HAVCR1: variants seen among roughly 807,000 people sequenced by gnomAD.
HAVCR1 encodes the protein hepatitis A virus cellular receptor 1, also known as T cell immunoglobin domain and mucin domain protein 1.
A neutral mutation model predicts 32.0 loss-of-function variants in HAVCR1; 34 were observed. The ratio of observed to expected loss-of-function variants is 1.06; its 90% CI spans 0.81 to 1.42. HAVCR1 has a LOEUF of 1.42. Among genes scored for constraint, HAVCR1 ranks in the 40% most tolerant of loss-of-function variants. The pLI is 0.00. For synonymous variants in HAVCR1, 178 were observed against 170.3 expected, an observed-to-expected ratio of 1.05 and a Z score of -0.35; for missense variants, 420 against 442.3, an observed-to-expected ratio of 0.95 and a Z score of 0.45.
chr5:157,051,202 A>G (rs1284863821), intron 4 of HAVCR1, among the ~76,000 whole-genome samples: 1 of 152,218 alleles, frequency 6.6e-6, no homozygotes, highest in Non-Finnish European at 1.5e-5. Context: ...GAACTGAAAA[A>G]AATAAACTGT....
chr5:157,058,339 A>G (rs185319476), intron 1 of HAVCR1: 178 of 162,952 alleles, frequency 1.1e-3, no homozygotes, highest in East Asian at 2.6e-3. Flanking sequence ...CAAGGCGGGC[A>G]GATCACGAAG....
intron 8 of HAVCR1, 42 bp downstream of exon 8, chr5:157,032,812 T>G (rs960448564): frequency 8.4e-7 from 1 of 1,195,670 alleles, no homozygotes; most frequent in Non-Finnish European, 1.2e-6. Flanking sequence ...TTTACCAGAG[T>G]AGGAACCTCA....
chr5:157,041,460 T>G (rs1754888733), intron 6 of HAVCR1, among the ~76,000 whole-genome samples: 1 of 150,372 alleles, frequency 6.7e-6, no homozygotes, highest in Admixed American at 6.7e-5. Context: ...ATCCCGCCAG[T>G]GCACTCCAGC....
At chr5:157,046,954 T>C (rs1216910343) in intron 5 of HAVCR1, among the ~76,000 whole-genome samples, 3 of 152,186 alleles carry the variant, frequency 2.0e-5, no homozygotes, top group Non-Finnish European at 2.9e-5. Context: ...TTGGGAATTA[T>C]CTATCAACAT....
At chr5:157,030,344 C>T (rs965847301) in intron 8 of HAVCR1, among the ~76,000 whole-genome samples, 9 of 152,302 alleles carry the variant, frequency 5.9e-5, no homozygotes, top group African/African-American at 2.2e-4. Context: ...AGTACTGTTT[C>T]ACAAGTATAC....
At chr5:157,033,771 G>C (rs1052635073) in intron 7 of HAVCR1, among the ~76,000 whole-genome samples, 2 of 152,194 alleles carry the variant, frequency 1.3e-5, no homozygotes, top group Admixed American at 1.3e-4. Context: ...CCTAAGAAAA[G>C]GGTATTTAAG....
At chr5:157,067,663 T>TTC in the HAVCR1 span, among the ~76,000 whole-genome samples, 12 of 150,576 alleles carry the variant, frequency 8.0e-5, no homozygotes, top group East Asian at 4.0e-4. Flanking sequence ...ACCAGACCCT[T>TTC]TCTCTCTCTC....
At chr5:157,050,462 C>T (rs563133243) in intron 4 of HAVCR1, among the ~76,000 whole-genome samples, 1 of 152,278 alleles carries the variant, frequency 6.6e-6, no homozygotes, top group East Asian at 1.9e-4. Context: ...AATGTCCCTG[C>T]GTTCTATTTG....
the HAVCR1 span, among the ~76,000 whole-genome samples, chr5:157,064,537 C>T: frequency 1.9e-3 from 287 of 152,072 alleles, no homozygotes; most frequent in Admixed American, 3.5e-3. Context: ...GCCTGAGCCA[C>T]GGGAAGAGCT....
chr5:157,052,298 G>T, intron 4 of HAVCR1, 63 bp downstream of exon 4: 1 of 1,402,858 alleles, frequency 7.1e-7, no homozygotes, highest in Non-Finnish European at 1.0e-6. Flanking sequence ...TTGATACAAT[G>T]CCCTGGATGG....
the HAVCR1 span, among the ~76,000 whole-genome samples, chr5:157,068,670 A>C: frequency 1.3e-5 from 2 of 149,014 alleles, no homozygotes; most frequent in South Asian, 4.2e-4. Context: ...TTTTTTTGAG[A>C]CAGAGTTTTC....
chr5:157,044,382 AAG>A (rs1755098705), intron 5 of HAVCR1, among the ~76,000 whole-genome samples: 1 of 37,378 alleles, frequency 2.7e-5, no homozygotes, highest in East Asian at 1.2e-3. Flanking sequence ...GGAAGGAAGG[AAG>A]GAAGGAAGGA....
intron 2 of HAVCR1, among the ~76,000 whole-genome samples, chr5:157,056,481 G>C (rs964031475): frequency 2.0e-5 from 3 of 150,534 alleles, no homozygotes; most frequent in Admixed American, 6.7e-5. Context: ...CCAGGTTCAC[G>C]CCATTCTCCC....
Position 157,029,455 on chromosome 5 carries a change from A to G in HAVCR1, c.*278T>C. ...AGGATTTATGGGGTCTAAAAAGAAC[A>G]TACAATTATAAAGTGTTCATATTTG... On this transcript the variant is annotated 3_prime_UTR_variant, in exon 9 of 9. Transcript: ENST00000523175. The G allele has an allele frequency of 1.5e-6, 1 of 661,806 alleles. No individual in the cohort carries two copies. Among genetic ancestry groups the G allele is most frequent in the Non-Finnish European group, 2.6e-6 (1 of 388,910 alleles). 41.0% of individuals were successfully genotyped at this position (661,806 alleles called of 1,614,324 possible).
chr5:157,039,033 T>G (rs1754709247), intron 6 of HAVCR1, among the ~76,000 whole-genome samples: 1 of 152,036 alleles, frequency 6.6e-6, no homozygotes, highest in Non-Finnish European at 1.5e-5. Flanking sequence ...GGTGGGAGGA[T>G]CACTTGAGCC....
intron 8 of HAVCR1, among the ~76,000 whole-genome samples, chr5:157,030,810 C>T (rs1337786486): frequency 6.6e-6 from 1 of 152,186 alleles, no homozygotes; most frequent in Non-Finnish European, 1.5e-5. Flanking sequence ...AACTTGTCTT[C>T]ATTCAGCTGC....
At chr5:157,041,418 A>G (rs1418508045) in intron 6 of HAVCR1, among the ~76,000 whole-genome samples, 1 of 152,044 alleles carries the variant, frequency 6.6e-6, no homozygotes, top group Non-Finnish European at 1.5e-5. Context: ...GAATCACTTG[A>G]ACCCAAGAAG....
the HAVCR1 span, among the ~76,000 whole-genome samples, chr5:157,064,349 A>AG: frequency 1.4e-5 from 2 of 138,258 alleles, no homozygotes; most frequent in Non-Finnish European, 3.2e-5. Context: ...CAAAAAAAAA[A>AG]AAAAAAGAAA....
At chr5:157,032,350 C>G (rs1044119214) in intron 8 of HAVCR1, among the ~76,000 whole-genome samples, 2 of 152,096 alleles carry the variant, frequency 1.3e-5, no homozygotes, top group African/African-American at 2.4e-5. Flanking sequence ...GAAACCCCGT[C>G]TCTACTAAAA....
Sources: allele counts gnomAD v4.1 joint callset (sites outside exome capture counted in the v4.1 genomes callset), GRCh38; gene constraint gnomAD v4.1.1; transcripts MANE v1.5; gene names NCBI Gene and HGNC (gene_info 2026-07-23, HGNC 2026-07-21).